Variants in ABCA6 observed in about 807,000 individuals in gnomAD.
The protein encoded by ABCA6 is ATP binding cassette subfamily A member 6.
In ABCA6, 164 loss-of-function variants were observed where a neutral mutation model predicts 191.2. The observed-to-expected ratio is 0.86, with a 90% CI of 0.76 to 0.98. The LOEUF is 0.98. Ranked by LOEUF, ABCA6 falls within the 50% of genes least tolerant of loss-of-function variation. ABCA6 has a pLI of 0.00. For missense variants in ABCA6, 1,958 were observed against 1,894.1 expected (o/e 1.03, Z -0.63); for synonymous variants, 636 against 647.7 (o/e 0.98, Z 0.27).
chr17:69,093,178 T>C (rs539243867), intron 25 of ABCA6, among the ~76,000 whole-genome samples: 3 of 152,286 alleles, frequency 2.0e-5, no homozygotes, highest in South Asian at 4.1e-4. Flanking sequence ...TTTTCCTCTA[T>C]TGAAGTAGGA....
At chr17:69,114,530 G>A (rs111680382) in intron 13 of ABCA6, among the ~76,000 whole-genome samples, 15 of 152,018 alleles carry the variant, frequency 9.9e-5, no homozygotes, top group South Asian at 4.1e-4. Context: ...TAACCTGCAC[G>A]TTGTGCACAT....
At chr17:69,086,096 C>A (rs920014422) in intron 30 of ABCA6, among the ~76,000 whole-genome samples, 2 of 152,080 alleles carry the variant, frequency 1.3e-5, no homozygotes, top group Admixed American at 1.3e-4. Flanking sequence ...TCCAAGTTAC[C>A]ATCATCTTTC....
At chr17:69,115,328 C>T (rs748383927) in intron 12 of ABCA6, 48 bp downstream of exon 12, 6 of 1,386,858 alleles carry the variant, frequency 4.3e-6, no homozygotes, top group Non-Finnish European at 6.0e-6. Context: ...TGCTTGACCT[C>T]ATTCTATTAT....
Position 69,096,364 on chromosome 17 carries a change from A to G in ABCA6, c.3295-11T>C. On this transcript the variant is annotated splice_polypyrimidine_tract_variant and intron_variant, in intron 24 of 38. Coordinates refer to ENST00000284425, the MANE Select transcript of ABCA6 (RefSeq NM_080284.3). ...AGGAGTAACTATAACCTGAGCATAA[A>G]AGAAATAATAACATAGTCAAAAAAT... The G allele has an allele frequency of 7.4e-7, 1 of 1,347,190 alleles. No individual in the cohort carries two copies. The highest frequency in any genetic ancestry group is 1.0e-6 in the Non-Finnish European group (1 of 994,016). 83.5% of individuals were successfully genotyped at this position (1,347,190 alleles called of 1,614,324 possible). A position where few individuals can be genotyped will look rare whatever the true frequency, so the allele number is the denominator to read the frequency against.
chr17:69,138,409 T>C (rs371425594), intron 2 of ABCA6, among the ~76,000 whole-genome samples: 9 of 152,290 alleles, frequency 5.9e-5, no homozygotes, highest in South Asian at 2.1e-4. Context: ...GATTCCTAAG[T>C]ATTTTATTCT....
chr17:69,125,246 C>CA (rs1447210933), intron 8 of ABCA6, among the ~76,000 whole-genome samples: 1 of 151,350 alleles, frequency 6.6e-6, no homozygotes, highest in Non-Finnish European at 1.5e-5. Flanking sequence ...TTAATAAATA[C>CA]AATGTTCTAA....
rs760781437 is a variant in ABCA6 at position 69,124,940 on chromosome 17, CA to C, written c.1214del (p.Leu405TrpfsTer31). On this transcript the variant is annotated frameshift_variant, in exon 9 of 39. Coordinates refer to ENST00000284425, the MANE Select transcript of ABCA6 (RefSeq NM_080284.3). LOFTEE classifies it high-confidence loss of function. ...TMIATFSMLL[L>X]DGLIYLLLAL... Reference sequence around the variant, plus strand: ...CCAATAGCAAGTAGATGAGACCATCCAAAAGCAACATAGAAAAAGTTGCTAT... The same window carrying C: ...CCAATAGCAAGTAGATGAGACCATCCAAAGCAACATAGAAAAAGTTGCTAT... 177 of 1,574,544 alleles carry C rather than the reference CA, an allele frequency of 1.1e-4. No individual in the cohort carries two copies. Among genetic ancestry groups the C allele is most frequent in the Admixed American group, 1.6e-4 (9 of 55,738 alleles).
intron 18 of ABCA6, 58 bp from the exon 19 acceptor site, chr17:69,106,269 C>T: frequency 6.8e-7 from 1 of 1,463,860 alleles, no homozygotes; most frequent in Non-Finnish European, 9.2e-7. Context: ...ATCCTGGAGG[C>T]ATCACAGATT....
chr17:69,090,610 C>T (rs1239889753), intron 26 of ABCA6, among the ~76,000 whole-genome samples: 1 of 152,168 alleles, frequency 6.6e-6, no homozygotes, highest in Non-Finnish European at 1.5e-5. Context: ...TAAGTTTGGT[C>T]TGCCTTTGCC....
chr17:69,123,657 C>G (rs769408569), intron 9 of ABCA6, among the ~76,000 whole-genome samples: 1 of 151,286 alleles, frequency 6.6e-6, no homozygotes, highest in Non-Finnish European at 1.5e-5. Context: ...AGAATGTGAT[C>G]AAAAAAAAGA....
Position 69,113,349 on chromosome 17 carries a change from T to C in ABCA6, c.1914A>G (p.Leu638=), listed in dbSNP as rs886621817. 5 of 1,592,156 alleles carry C rather than the reference T, an allele frequency of 3.1e-6. No homozygotes were observed. The African/African-American group carries it at 5.5e-5, about 17-fold the overall frequency. ...TILGDPQILL[L]DEPTTGLDPF... is the part of the protein sequence containing the mutation. ...GATCCAATCCAGTAGTTGGTTCATCTAAAAGCAAAATCTACAGAGAATGAA... is the reference window on the plus strand; with the variant it reads ...GATCCAATCCAGTAGTTGGTTCATCCAAAAGCAAAATCTACAGAGAATGAA... The change falls in exon 15 of 39, where the codon TTA becomes TTG. Residue 638 remains leucine (L), a synonymous_variant. Transcript: ENST00000284425.
rs139287300 is a variant in ABCA6, at chr17:69,093,935, T to C, written c.3408+2305A>G. Among the ~76,000 whole-genome samples the C allele has an allele frequency of 2.8e-3, 434 of 152,370 alleles. 4 individuals carry two copies. The highest frequency in any genetic ancestry group is 9.7e-3 in the African/African-American group (405 of 41,594). On this transcript the variant is annotated intron_variant, in intron 25 of 38. Coordinates refer to ENST00000284425, the MANE Select transcript of ABCA6 (RefSeq NM_080284.3). The stretch of plus-strand genomic sequence containing the variant: ...ACACTGCGGTGTAATTTTGTTTTTA[T>C]ATTTTGAACAGTCTTTGTTTTCCAA...
At chr17:69,088,517 C>T (rs1400366824) in intron 27 of ABCA6, among the ~76,000 whole-genome samples, 1 of 152,100 alleles carries the variant, frequency 6.6e-6, no homozygotes, top group Non-Finnish European at 1.5e-5. Context: ...TATTTCTCAC[C>T]CCTACTCATG....
Position 69,096,358 on chromosome 17 carries a change from G to A in ABCA6, c.3295-5C>T. The A allele has an allele frequency of 7.3e-7, 1 of 1,378,770 alleles. No individual in the cohort carries two copies. Among genetic ancestry groups the A allele is most frequent in the Non-Finnish European group, 9.8e-7 (1 of 1,019,774 alleles). The allele number at this position is 1,378,770 out of a possible 1,614,324, so 85.4% of individuals were successfully genotyped here. On this transcript the variant is annotated splice_polypyrimidine_tract_variant and splice_region_variant and intron_variant, in intron 24 of 38. Coordinates refer to ENST00000284425, the MANE Select transcript of ABCA6 (RefSeq NM_080284.3). ...ATAACCAGGAGTAACTATAACCTGA[G>A]CATAAAAGAAATAATAACATAGTCA... is the stretch of plus-strand genomic sequence containing the variant.
intron 17 of ABCA6, chr17:69,110,072 G>A (rs1459885701): frequency 6.6e-6 from 1 of 152,174 alleles, no homozygotes; most frequent in Non-Finnish European, 1.5e-5. Flanking sequence ...CGTGTTAAGT[G>A]CTTAGTTAAG....
intron 14 of ABCA6, 83 bp from the exon 15 acceptor site, chr17:69,113,443 C>T: frequency 1.3e-6 from 2 of 1,516,068 alleles, no homozygotes; most frequent in Non-Finnish European, 1.8e-6. Context: ...CAATAAATAC[C>T]ATAAAATAAT....
At position 69,137,310 on chromosome 17, in the gene ABCA6, G is replaced by T; in HGVS notation, c.287C>A (p.Ala96Asp). 1 of 1,612,352 alleles carries T rather than the reference G, an allele frequency of 6.2e-7. No homozygotes were observed. The highest frequency in any genetic ancestry group is 8.5e-7 in the Non-Finnish European group (1 of 1,179,496). The stretch of plus-strand genomic sequence containing the variant: ...AGTACACCTACCTTTCAAAAGAGGA[G>T]CAAGTGCTGTTTTATTCATTATCTG... ...TQQIMNKTAL[A>D]PLLKGTSVIG... The change falls in exon 3 of 39, where the codon GCT (alanine) becomes GAT (aspartate). Residue 96 changes from alanine to aspartate, a missense_variant. By Grantham distance (126) the Ala-to-Asp change is moderately radical. Coordinates refer to ENST00000284425, the MANE Select transcript of ABCA6 (RefSeq NM_080284.3).
intron 22 of ABCA6, among the ~76,000 whole-genome samples, chr17:69,100,372 G>A (rs1371858099): frequency 6.6e-6 from 1 of 152,102 alleles, no homozygotes; most frequent in Non-Finnish European, 1.5e-5. Flanking sequence ...GATAGCCCCA[G>A]AACTGGCAGA....
chr17:69,117,761 G>A (rs1388168483), intron 11 of ABCA6, 137 bp downstream of exon 11: 5 of 612,510 alleles, frequency 8.2e-6, no homozygotes, highest in Middle Eastern at 4.5e-4. Flanking sequence ...CATGATTAAT[G>A]TCCAAGTGAT....
Sources: allele counts gnomAD v4.1 joint callset (sites outside exome capture counted in the v4.1 genomes callset), GRCh38; gene constraint gnomAD v4.1.1; transcripts MANE v1.5; gene names NCBI Gene and HGNC (gene_info 2026-07-23, HGNC 2026-07-21).